The following ZNF91 variants were observed in gnomAD, a reference collection of about 807,000 sequenced individuals.
The protein encoded by ZNF91 is zinc finger protein 91, also known as zinc finger protein 91 (HPF7, HTF10).
In ZNF91, 7 loss-of-function variants were observed where a neutral mutation model predicts 12.6. That is an observed-to-expected ratio of 0.55 (90% confidence interval 0.31 to 1.04). The LOEUF (loss-of-function observed/expected upper bound fraction) is 1.04. ZNF91 is among the 50% of genes least tolerant of loss of function. The pLI is 0.05. For missense variants in ZNF91, 1,217 were observed against 1,385.4 expected, an observed-to-expected ratio of 0.88 and a Z score of 1.93; for synonymous variants, 453 against 462.6, an observed-to-expected ratio of 0.98 and a Z score of 0.27.
intron 3 of ZNF91, among the ~76,000 whole-genome samples, chr19:23,366,226 C>A (rs1042235153): frequency 2.0e-5 from 3 of 151,364 alleles, no homozygotes. Flanking sequence ...CCAGATGGGG[C>A]GGCTGGCCGG....
At chr19:23,347,356 C>G (rs1968257403) in intron 3 of ZNF91, among the ~76,000 whole-genome samples, 1 of 152,202 alleles carries the variant, frequency 6.6e-6, no homozygotes, top group African/African-American at 2.4e-5. Context: ...CTCCTTCAAG[C>G]TGCCAGACTC....
intron 2 of ZNF91, among the ~76,000 whole-genome samples, 187 bp downstream of exon 2, chr19:23,374,451 T>C (rs1969423461): frequency 7.0e-6 from 1 of 142,618 alleles, no homozygotes; most frequent in Non-Finnish European, 1.5e-5. Context: ...TCCCAGTTAC[T>C]CCGGAGGCTG....
Position 23,361,347 on chromosome 19 carries a change from T to C in ZNF91, c.1632A>G (p.Lys544=). ...TGCCACATTCTTTACATTTGTAGGG[T>C]TTCTCTCTACTATGAATTATCTTAT... The part of the protein sequence containing the change: ...NKHKIIHSRE[K]PYKCKECGKA... Residue 544 remains lysine, a synonymous_variant, in exon 4 of 4, where the codon AAA becomes AAG. Coordinates refer to ENST00000300619, the MANE Select transcript of ZNF91 (RefSeq NM_003430.4). 3 of 1,607,942 alleles carry C rather than the reference T, an allele frequency of 1.9e-6. No individual in the cohort carries two copies. The highest frequency in any genetic ancestry group is 2.2e-5 in the East Asian group (1 of 44,594).
chr19:23,318,495 T>C (rs1967616773), intron 1 of ZNF91, among the ~76,000 whole-genome samples: 1 of 152,166 alleles, frequency 6.6e-6, no homozygotes, highest in African/African-American at 2.4e-5. Context: ...ACTTTTGCCT[T>C]GGTTCTGACC....
At chr19:23,351,568 C>T (rs1489458901) in intron 3 of ZNF91, among the ~76,000 whole-genome samples, 2 of 152,078 alleles carry the variant, frequency 1.3e-5, no homozygotes, top group Non-Finnish European at 2.9e-5. Flanking sequence ...TAAATGATTG[C>T]AATTCTAAAT....
chr19:23,388,587 G>A lies in ZNF91; in HGVS notation c.30+6738C>T, dbSNP rs74455770. ...ACCATTATTCTTGGAAAACCAATGC[G>A]GAGGCCAAATGCAGTGGCTCACGCC... On this transcript the variant is annotated intron_variant, in intron 1 of 3. Transcript: ENST00000300619. Among the ~76,000 whole-genome samples, 622 of 152,082 alleles carry A rather than the reference G, an allele frequency of 4.1e-3. 3 individuals carry two copies. The highest frequency in any genetic ancestry group is 0.014 in the African/African-American group (595 of 41,492).
At chr19:23,377,733 A>G (rs1487589457) in intron 1 of ZNF91, among the ~76,000 whole-genome samples, 2 of 152,246 alleles carry the variant, frequency 1.3e-5, no homozygotes, top group Non-Finnish European at 2.9e-5. Context: ...AACAGAAAAC[A>G]GCAATTTCTG....
intron 3 of ZNF91, among the ~76,000 whole-genome samples, chr19:23,345,137 T>C (rs1348576907): frequency 6.6e-6 from 1 of 152,228 alleles, no homozygotes; most frequent in Non-Finnish European, 1.5e-5. Flanking sequence ...CTAAGCCATT[T>C]GATCCCGTTC....
intron 1 of ZNF91, among the ~76,000 whole-genome samples, chr19:23,318,069 T>C (rs1453725649): frequency 6.6e-6 from 1 of 152,182 alleles, no homozygotes; most frequent in Non-Finnish European, 1.5e-5. Context: ...GTCCACTGCC[T>C]TGGCACCGCC....
chr19:23,339,285 A>G lies in ZNF91; in HGVS notation c.254-231T>C, dbSNP rs544712436. The G allele has an allele frequency of 2.0e-5, 3 of 152,322 alleles. No individual in the cohort carries two copies. In the South Asian group the frequency reaches 6.2e-4, roughly 32 times the overall value. 9.4% of individuals were successfully genotyped at this position (152,322 alleles called of 1,614,324 possible). The stretch of plus-strand genomic sequence containing the variant: ...GCTGTAACAAAAAAGGATAAAGATC[A>G]TCATCCAATAATAAAGAAATCATTT... On this transcript the variant is annotated intron_variant, in intron 3 of 3. Coordinates refer to the ZNF91 transcript ENST00000599743.
rs1968651588 is a variant in ZNF91, at chr19:23,359,929, G to C, written c.3050C>G (p.Thr1017Ser). ...TTCACATTTGTATGGTTTCTCTCCA[G>C]TGTGCATCCTCGTATGTCTAGTTAG... ...STLTRHTRMH[T>S]GEKPYKCEEC... Residue 1017 changes from threonine to serine, a missense_variant, in exon 4 of 4, where the codon ACT (threonine) becomes AGT (serine). Coordinates refer to ENST00000300619, the MANE Select transcript of ZNF91 (RefSeq NM_003430.4). 1 of 1,588,410 alleles carries C rather than the reference G, an allele frequency of 6.3e-7. No individual in the cohort carries two copies. The highest frequency in any genetic ancestry group is 1.1e-5 in the South Asian group (1 of 89,908).
rs1968829356 is a variant in ZNF91 at position 23,362,306 on chromosome 19, G to C, written c.673C>G (p.Leu225Val). 4 of 1,613,778 alleles carry C rather than the reference G, an allele frequency of 2.5e-6. No individual in the cohort carries two copies. The South Asian group carries it at 4.4e-5, about 18-fold the overall frequency. Residue 225 changes from leucine to valine, a missense_variant, in exon 4 of 4, where the codon CTT (leucine) becomes GTT (valine). Leu to Val is a conservative substitution (Grantham distance 32). Around this residue, in one of 2 missense-constraint regions of ZNF91, gnomAD observed 726 missense variants for 895.5 expected, o/e 0.81. Transcript: ENST00000300619. ...CEKTFHWSST[L>V]TNHKEIHTED... ...GTATGAATTTCCTTATGATTAGTAA[G>C]GGTTGAGGACCAATGAAAGGTTTTT...
intron 1 of ZNF91, among the ~76,000 whole-genome samples, chr19:23,375,638 G>GT (rs951761665): frequency 2.6e-5 from 4 of 151,288 alleles, no homozygotes; most frequent in African/African-American, 7.3e-5. Context: ...AACAGCCTGT[G>GT]TTTTTTTCAG....
chr19:23,356,968 GCC>G (rs1968504421), downstream of ZNF91, among the ~76,000 whole-genome samples: 6 of 152,046 alleles, frequency 3.9e-5, no homozygotes, highest in Admixed American at 3.9e-4. Flanking sequence ...GGCGGCTCAC[GCC>G]TGTAATCCAG....
At chr19:23,377,985 A>G (rs1038576761) in intron 1 of ZNF91, among the ~76,000 whole-genome samples, 3 of 152,198 alleles carry the variant, frequency 2.0e-5, no homozygotes, top group Admixed American at 2.0e-4. Flanking sequence ...AAATGCATAG[A>G]ATAAAATCTA....
At chr19:23,385,164 G>T in intron 1 of ZNF91, 1 of 702,492 alleles carries the variant, frequency 1.4e-6, no homozygotes, top group Admixed American at 2.2e-5. Flanking sequence ...CGTCATGCAA[G>T]CTCATCAAGG....
chr19:23,322,139 T>C (rs1456957508), intron 1 of ZNF91, among the ~76,000 whole-genome samples: 2 of 152,200 alleles, frequency 1.3e-5, no homozygotes, highest in Admixed American at 6.5e-5. Context: ...TTGTGACATA[T>C]AGCTGGCTGT....
chr19:23,336,680 G>C (rs766703741), downstream of ZNF91, among the ~76,000 whole-genome samples: 54 of 152,292 alleles, frequency 3.5e-4, 1 homozygote, highest in Non-Finnish European at 6.2e-4. Flanking sequence ...TTGTTAAAAA[G>C]AAATAATTTG....
chr19:23,349,698 C>A (rs1355312273), intron 3 of ZNF91, among the ~76,000 whole-genome samples: 1 of 151,798 alleles, frequency 6.6e-6, no homozygotes. Context: ...AGCATGCCAA[C>A]TGCAGTGAGA....
Sources: allele counts gnomAD v4.1 joint callset (sites outside exome capture counted in the v4.1 genomes callset), GRCh38; gene constraint gnomAD v4.1.1; regional missense constraint gnomAD v4.1.1; transcripts MANE v1.5; gene names NCBI Gene and HGNC (gene_info 2026-07-23, HGNC 2026-07-21).